Variants in ZNF654 observed in about 807,000 individuals in gnomAD.
The protein encoded by ZNF654 is melanoma-associated antigen.
A neutral mutation model predicts 95.3 loss-of-function variants in ZNF654; 19 were observed. The ratio of observed to expected loss-of-function variants is 0.20; its 90% CI spans 0.14 to 0.29. ZNF654 has a LOEUF of 0.29. Ranked by LOEUF, ZNF654 falls within the 10% of genes least tolerant of loss-of-function variation. The pLI is 1.00. For missense variants in ZNF654, 1,046 were observed against 1,341.0 expected (o/e 0.78, Z 3.44); for synonymous variants, 413 against 457.9 (o/e 0.90, Z 1.25).
intron 2 of ZNF654, among the ~76,000 whole-genome samples, chr3:88,096,767 G>A (rs556813194): frequency 2.0e-5 from 3 of 152,054 alleles, no homozygotes; most frequent in Admixed American, 6.6e-5. Context: ...AAAGTGTGGC[G>A]TATACAATGA....
chr3:88,097,381 A>G (rs1704126543), intron 2 of ZNF654, among the ~76,000 whole-genome samples: 1 of 151,900 alleles, frequency 6.6e-6, no homozygotes. Context: ...TTTTTAAATA[A>G]TGGGAGACTT....
chr3:88,059,417 C>G lies in ZNF654; in HGVS notation c.98C>G (p.Ala33Gly). 6.5e-7 allele frequency: 1 copy of G among 1,527,938 alleles called. No individual in the cohort carries two copies. The highest frequency in any genetic ancestry group is 8.7e-7 in the Non-Finnish European group (1 of 1,143,842). The allele number at this position is 1,527,938 out of a possible 1,614,324, so 94.6% of individuals were successfully genotyped here. Residue 33 changes from alanine to glycine, a missense_variant, in exon 1 of 9, where the codon GCG becomes GGG. By Grantham distance (60) the Ala-to-Gly change is moderately conservative. This residue lies in a region of ZNF654 where 89 missense variants were observed against 77.9 expected (regional missense o/e 1.14). Coordinates refer to ENST00000636215, the MANE Select transcript of ZNF654 (RefSeq NM_001350134.2). ...SPLGPVGLRA[A>G]GDGRGGAGSG... ...CTGGGCCCTGTGGGGCTTAGAGCTG[C>G]GGGCGACGGCAGAGGCGGCGCTGGC...
chr3:88,079,113 AAG>A (rs1253740491), intron 1 of ZNF654, among the ~76,000 whole-genome samples: 1 of 152,098 alleles, frequency 6.6e-6, no homozygotes, highest in Non-Finnish European at 1.5e-5. Flanking sequence ...CTATATGAAA[AAG>A]AGCATTTTTG....
At chr3:88,099,908 G>A (rs564364032) in intron 2 of ZNF654, among the ~76,000 whole-genome samples, 1 of 152,138 alleles carries the variant, frequency 6.6e-6, no homozygotes, top group African/African-American at 2.4e-5. Flanking sequence ...GAGGACATAG[G>A]CATGGGCAAG....
At chr3:88,126,069 T>C in intron 3 of ZNF654, 65 bp from the exon 4 acceptor site, 1 of 1,363,390 alleles carries the variant, frequency 7.3e-7, no homozygotes, top group East Asian at 2.6e-5. Context: ...TTATTGACAA[T>C]GATGATCAAG....
chr3:88,108,080 T>A (rs1423387010), intron 2 of ZNF654, among the ~76,000 whole-genome samples: 1 of 152,144 alleles, frequency 6.6e-6, no homozygotes, highest in Non-Finnish European at 1.5e-5. Context: ...TTTGTTTTTG[T>A]CAGGTGCCTG....
intron 2 of ZNF654, among the ~76,000 whole-genome samples, chr3:88,096,848 C>G (rs1455914990): frequency 1.3e-5 from 2 of 152,032 alleles, no homozygotes. Context: ...ATCCAGTGTA[C>G]TTATTTTCAT....
chr3:88,102,817 C>CTTTTT lies in ZNF654; in HGVS notation c.333-10281_333-10277dup, dbSNP rs10701359. Among the ~76,000 whole-genome samples the CTTTTT allele has an allele frequency of 1.7e-3, 182 of 106,498 alleles. 3 individuals are homozygous for CTTTTT. Among genetic ancestry groups the CTTTTT allele is most frequent in the South Asian group, 1.8e-3 (5 of 2,774 alleles). 69.9% of individuals were successfully genotyped at this position (106,498 alleles called of 152,430 possible). On this transcript the variant is annotated intron_variant, in intron 2 of 8. Coordinates refer to ENST00000636215, the MANE Select transcript of ZNF654 (RefSeq NM_001350134.2). The stretch of plus-strand genomic sequence containing the variant: ...TGCTGTTTACCTCAACCTCTACTGT[C>CTTTTT]TTTTTTTTTTTTTTTTTTTTTAATA...
In ZNF654 at chr3:88,086,476, TCTG is replaced by T. The variant is rs770085536; in HGVS notation, c.332+75_332+77del. 10 of 1,261,558 alleles carry T rather than the reference TCTG, an allele frequency of 7.9e-6. No individual in the cohort carries two copies. In the South Asian group the frequency reaches 2.0e-4, roughly 25 times the overall value. 78.1% of individuals were successfully genotyped at this position (1,261,558 alleles called of 1,614,324 possible). A position where few individuals can be genotyped will look rare whatever the true frequency, so the allele number is the denominator to read the frequency against. On this transcript the variant is annotated intron_variant, in intron 2 of 8. Transcript: ENST00000636215. Reference sequence around the variant, plus strand: ...TGAGAATTTGTTTTTGATAATTTCTTCTGAAGAAGAAACCTTTCCTAAAGTATT... The same window carrying T: ...TGAGAATTTGTTTTTGATAATTTCTTAAGAAGAAACCTTTCCTAAAGTATT...
In ZNF654 at chr3:88,140,147, T is replaced by C. The variant is rs1196613138; in HGVS notation, c.2478T>C (p.Phe826=). The C allele has an allele frequency of 6.2e-7, 1 of 1,613,934 alleles. No homozygotes were observed. The highest frequency in any genetic ancestry group is 2.2e-5 in the East Asian group (1 of 44,884). ...TGCATTTTAATTGCAACGAGTCGTT[T>C]AAGCTGCCGTTCCAGCTTGCCCAGC... ...FCLHFNCNES[F]KLPFQLAQHT... Residue 826 remains phenylalanine, a synonymous_variant, in exon 8 of 9, where the codon TTT becomes TTC. Transcript: ENST00000636215.
At chr3:88,112,917 T>A (rs1220617729) in intron 2 of ZNF654, among the ~76,000 whole-genome samples, 198 bp from the exon 3 acceptor site, 2 of 152,106 alleles carry the variant, frequency 1.3e-5, no homozygotes, top group Non-Finnish European at 2.9e-5. Flanking sequence ...TTAAGTATAT[T>A]TCTTTGTATT....
At chr3:88,107,414 C>A (rs1247337000) in intron 2 of ZNF654, among the ~76,000 whole-genome samples, 1 of 152,138 alleles carries the variant, frequency 6.6e-6, no homozygotes, top group Admixed American at 6.5e-5. Context: ...CTATATCTTT[C>A]TCTGTTTATC....
At chr3:88,133,326 T>TCC (rs1441027494) in intron 6 of ZNF654, among the ~76,000 whole-genome samples, 1 of 152,180 alleles carries the variant, frequency 6.6e-6, no homozygotes, top group Non-Finnish European at 1.5e-5. Context: ...CTCTCTTATT[T>TCC]CCAATTCCAT....
intron 2 of ZNF654, among the ~76,000 whole-genome samples, chr3:88,107,196 T>C (rs1704795826): frequency 6.6e-6 from 1 of 152,240 alleles, no homozygotes; most frequent in Admixed American, 6.5e-5. Flanking sequence ...ATATACTTTA[T>C]CTTCCTCCAG....
At chr3:88,121,178 A>C (rs1705747950) in intron 3 of ZNF654, among the ~76,000 whole-genome samples, 1 of 152,170 alleles carries the variant, frequency 6.6e-6, no homozygotes, top group African/African-American at 2.4e-5. Flanking sequence ...TGCTCAGTTT[A>C]AAATGCCTTC....
intron 2 of ZNF654, among the ~76,000 whole-genome samples, chr3:88,093,122 G>A (rs1703849249): frequency 6.6e-6 from 1 of 152,146 alleles, no homozygotes; most frequent in South Asian, 2.1e-4. Context: ...TTCATTCTTT[G>A]TAGATAAGAA....
chr3:88,086,481 A>T (rs1708340753), intron 2 of ZNF654, 79 bp downstream of exon 2: 1 of 1,221,834 alleles, frequency 8.2e-7, no homozygotes, highest in African/African-American at 1.5e-5. Flanking sequence ...TTTCTTCTGA[A>T]GAAGAAACCT....
At chr3:88,100,421 C>T (rs190890329) in intron 2 of ZNF654, among the ~76,000 whole-genome samples, 20 of 152,272 alleles carry the variant, frequency 1.3e-4, no homozygotes, top group African/African-American at 4.6e-4. Context: ...GTGGCAATTC[C>T]TCAGGGATGT....
intron 2 of ZNF654, among the ~76,000 whole-genome samples, chr3:88,108,554 G>T (rs1404306030): frequency 6.6e-6 from 1 of 152,132 alleles, no homozygotes; most frequent in Non-Finnish European, 1.5e-5. Context: ...GCTATTCTGA[G>T]TAGCATGATG....
Sources: gnomAD v4.1 joint callset for allele counts (sites outside exome capture counted in the v4.1 genomes callset) on GRCh38, gnomAD v4.1.1 for gene constraint, gnomAD v4.1.1 regional missense constraint, MANE v1.5 for transcripts, NCBI Gene and HGNC (gene_info 2026-07-23, HGNC 2026-07-21) for gene names.